RBFOX1: variants seen among roughly 807,000 people sequenced by gnomAD.
RBFOX1 encodes the protein RNA binding fox-1 homolog 1, also known as RNA binding protein fox-1 homolog 1.
RBFOX1 carries 8 observed loss-of-function variants against 57.7 expected under a neutral mutation model. That is an observed-to-expected ratio of 0.14 (90% CI 0.08 to 0.25). The LOEUF (loss-of-function observed/expected upper bound fraction) is 0.25, where lower values mean the gene tolerates loss of function less well. Ranked by LOEUF, RBFOX1 falls within the 10% of genes least tolerant of loss-of-function variation. The pLI is 1.00. For missense variants in RBFOX1, 611 were observed against 548.5 expected (o/e 1.11, Z -1.14); for synonymous variants, 326 against 222.4 (o/e 1.47, Z -4.15).
chr16:6,697,804 G>C (rs1317886103), intron 3 of RBFOX1, among the ~76,000 whole-genome samples: 1 of 152,196 alleles, frequency 6.6e-6, no homozygotes, highest in Non-Finnish European at 1.5e-5. Context: ...GGTATTGGAA[G>C]TCCATATCTC....
chr16:6,760,976 C>A (rs1160198349), intron 3 of RBFOX1, among the ~76,000 whole-genome samples: 1 of 152,096 alleles, frequency 6.6e-6, no homozygotes, highest in African/African-American at 2.4e-5. Flanking sequence ...TAGCTCTCTC[C>A]CTAAAAGTTG....
At chr16:6,801,367 T>C (rs954296403) in intron 3 of RBFOX1, among the ~76,000 whole-genome samples, 1 of 152,170 alleles carries the variant, frequency 6.6e-6, no homozygotes, top group African/African-American at 2.4e-5. Flanking sequence ...GTATTTAAGG[T>C]GTAATTGCAT....
At chr16:5,975,341 A>G (rs1019260372) in intron 4 of RBFOX1, among the ~76,000 whole-genome samples, 1 of 152,186 alleles carries the variant, frequency 6.6e-6, no homozygotes, top group Admixed American at 6.5e-5. Flanking sequence ...CGTCCATATC[A>G]TTAGAGCAAT....
Position 7,129,732 on chromosome 16 carries a change from C to G in RBFOX1, c.27+77634C>G, listed in dbSNP as rs1042439324. Among the ~76,000 whole-genome samples, 6 of 150,506 alleles carry G rather than the reference C, an allele frequency of 4.0e-5. No individual in the cohort carries two copies. The Admixed American group carries it at 4.0e-4, about 10-fold the overall frequency. ...GAGCCCCCAAATCGGGTTGTGTGTG[C>G]TATTTTTAAAGTACCAGGAGACACG... is the stretch of plus-strand genomic sequence containing the variant. On this transcript the variant is annotated intron_variant, in intron 4 of 15. Transcript: ENST00000550418.
intron 2 of RBFOX1, among the ~76,000 whole-genome samples, chr16:6,362,473 A>G (rs969275088): frequency 4.6e-5 from 7 of 152,196 alleles, no homozygotes; most frequent in Non-Finnish European, 1.0e-4. Context: ...GTCCAATATG[A>G]GGCCACCTGC....
At chr16:5,737,586 G>C (rs12444634) in intron 3 of RBFOX1, among the ~76,000 whole-genome samples, 35,474 of 139,072 alleles carry the variant, frequency 0.26, 4,522 homozygotes, top group East Asian at 0.44. Flanking sequence ...CTGCTGCTAT[G>C]TGGCTAACTC....
At chr16:5,696,991 C>A (rs184127374) in intron 3 of RBFOX1, among the ~76,000 whole-genome samples, 1 of 152,236 alleles carries the variant, frequency 6.6e-6, no homozygotes, top group East Asian at 1.9e-4. Flanking sequence ...TGACTCACTG[C>A]GTCCTCTGCC....
chr16:6,887,392 T>C (rs918858157), intron 3 of RBFOX1, among the ~76,000 whole-genome samples: 1 of 152,106 alleles, frequency 6.6e-6, no homozygotes, highest in Non-Finnish European at 1.5e-5. Flanking sequence ...CATTGTGATT[T>C]CAAGAAGCCG....
At chr16:7,343,329 A>T (rs2096933147) in intron 4 of RBFOX1, among the ~76,000 whole-genome samples, 1 of 152,100 alleles carries the variant, frequency 6.6e-6, no homozygotes, top group Non-Finnish European at 1.5e-5. Context: ...GCTGCTATGG[A>T]TCAGTGTCCA....
chr16:6,544,894 T>C lies in RBFOX1; in HGVS notation c.-63-109709T>C, dbSNP rs1379837554. Among the ~76,000 whole-genome samples, 4 of 152,242 alleles carry C rather than the reference T, an allele frequency of 2.6e-5. No homozygotes were observed. The East Asian group carries it at 7.7e-4, about 29-fold the overall frequency. On this transcript the variant is annotated intron_variant, in intron 2 of 15. Coordinates refer to ENST00000550418, the MANE Select transcript of RBFOX1 (RefSeq NM_018723.4). ...CGTTACCTTTGCCCAGTACCATTGT[T>C]TGCACATGTCTGCTTTTTATGATTA...
At chr16:5,353,031 C>G (rs947596912) in intron 1 of RBFOX1, among the ~76,000 whole-genome samples, 5 of 152,154 alleles carry the variant, frequency 3.3e-5, no homozygotes, top group East Asian at 1.9e-4. Flanking sequence ...AAAAAGAAAT[C>G]CAGTGTTGAG....
chr16:7,658,711 T>G (rs2066938714), intron 12 of RBFOX1, among the ~76,000 whole-genome samples: 1 of 152,162 alleles, frequency 6.6e-6, no homozygotes. Flanking sequence ...TACAATGGGG[T>G]GCTCTAATGG....
At chr16:5,482,273 T>A (rs2151646157) in intron 2 of RBFOX1, among the ~76,000 whole-genome samples, 1 of 152,264 alleles carries the variant, frequency 6.6e-6, no homozygotes, top group East Asian at 1.9e-4. Flanking sequence ...TGTGGATAAC[T>A]CTCTTCATCA....
chr16:6,274,216 C>T (rs2075545517), intron 1 of RBFOX1, among the ~76,000 whole-genome samples: 1 of 152,160 alleles, frequency 6.6e-6, no homozygotes. Context: ...ATTCCAGAGA[C>T]ATGGAAACAT....
chr16:6,415,310 T>G (rs541380941), intron 2 of RBFOX1, among the ~76,000 whole-genome samples: 11 of 147,836 alleles, frequency 7.4e-5, no homozygotes, highest in African/African-American at 2.7e-4. Context: ...AGGGTACTAG[T>G]GTTACCCCAT....
intron 3 of RBFOX1, among the ~76,000 whole-genome samples, chr16:6,889,094 C>T (rs117921696): frequency 0.012 from 1,820 of 152,228 alleles, 21 homozygotes; most frequent in Non-Finnish European, 0.019. Context: ...AGAGGGATAT[C>T]ACAGTGGACA....
intron 3 of RBFOX1, among the ~76,000 whole-genome samples, chr16:5,839,083 A>G (rs1443051050): frequency 6.6e-6 from 1 of 152,228 alleles, no homozygotes; most frequent in South Asian, 2.1e-4. Context: ...GAGAACACCT[A>G]CAGCAAAGAA....
intron 4 of RBFOX1, among the ~76,000 whole-genome samples, chr16:7,314,498 T>A (rs1362763513): frequency 6.6e-6 from 1 of 152,188 alleles, no homozygotes; most frequent in African/African-American, 2.4e-5. Flanking sequence ...CAGATTCACT[T>A]AGACACATTT....
At chr16:7,555,925 C>T (rs2088290950) in intron 5 of RBFOX1, among the ~76,000 whole-genome samples, 1 of 152,174 alleles carries the variant, frequency 6.6e-6, no homozygotes, top group Non-Finnish European at 1.5e-5. Context: ...CTTCCTCCTG[C>T]TCTCCTAAAA....
Sources: allele counts gnomAD v4.1 joint callset (sites outside exome capture counted in the v4.1 genomes callset), GRCh38; gene constraint gnomAD v4.1.1; transcripts MANE v1.5; gene names NCBI Gene and HGNC (gene_info 2026-07-23, HGNC 2026-07-21).